The following LIPA variants were observed in gnomAD, a reference collection of about 807,000 sequenced individuals.
LIPA encodes lipase A, lysosomal acid type, also known as lysosomal acid lipase/cholesteryl ester hydrolase.
LIPA carries 26 observed loss-of-function variants against 40.6 expected under a neutral mutation model. That is an observed-to-expected ratio of 0.64 (90% CI 0.47 to 0.89). The LOEUF (loss-of-function observed/expected upper bound fraction) is 0.89, where lower values mean the gene tolerates loss of function less well. Among genes scored for constraint, LIPA ranks in the 40% least tolerant of loss-of-function variants. LIPA has a pLI of 0.00. For synonymous variants in LIPA, 188 were observed against 168.4 expected (o/e 1.12, Z -0.90); for missense variants, 455 against 479.6 (o/e 0.95, Z 0.48).
At chr10:89,267,044 A>C (rs1426219897) in intron 1 of LIPA, among the ~76,000 whole-genome samples, 1 of 152,226 alleles carries the variant, frequency 6.6e-6, no homozygotes, top group Admixed American at 6.5e-5. Flanking sequence ...GTTTATAACC[A>C]TCAAGTTTAC....
intron 2 of LIPA, among the ~76,000 whole-genome samples, chr10:89,247,303 C>A (rs550552872): frequency 6.7e-5 from 9 of 135,336 alleles, no homozygotes; most frequent in African/African-American, 2.5e-4. Flanking sequence ...GCCCCTGAGG[C>A]GGAGGTCGCA....
rs532534423 is a variant in LIPA at position 89,227,853 on chromosome 10, G to A, written c.428+347C>T. 1.1e-4 allele frequency among the ~76,000 whole-genome samples: 17 copies of A among 152,320 alleles called. No individual in the cohort carries two copies. The South Asian group carries it at 2.5e-3, about 22-fold the overall frequency. The stretch of plus-strand genomic sequence containing the variant: ...GAGCCAGAAGGAAGAGGGAGGAAAG[G>A]ATAATTTCTGGAAAGAAGAAAAGTG... On this transcript the variant is annotated intron_variant, in intron 4 of 9. Transcript: ENST00000336233.
chr10:89,229,135 A>G (rs930847723), intron 3 of LIPA, among the ~76,000 whole-genome samples: 10 of 152,238 alleles, frequency 6.6e-5, no homozygotes, highest in Non-Finnish European at 1.3e-4. Context: ...ATGCATAACT[A>G]AACTGTGCTA....
intron 1 of LIPA, among the ~76,000 whole-genome samples, chr10:89,327,572 C>CA (rs1291870290): frequency 6.6e-6 from 1 of 151,528 alleles, no homozygotes; most frequent in East Asian, 1.9e-4. Flanking sequence ...AAAACAAAAA[C>CA]AAAAAAAGAG....
chr10:89,331,113 T>C lies in LIPA; in HGVS notation c.-2+11498A>G, dbSNP rs995341770. 6.6e-5 allele frequency among the ~76,000 whole-genome samples: 10 copies of C among 152,250 alleles called. No individual in the cohort carries two copies. The South Asian group carries it at 8.3e-4, about 13-fold the overall frequency. ...TAGAGAAAAATGAGGACTGTTTACATAGGCAAAGACAGAGGTGTTCAACAG... is the reference window on the plus strand; with the variant it reads ...TAGAGAAAAATGAGGACTGTTTACACAGGCAAAGACAGAGGTGTTCAACAG... On this transcript the variant is annotated intron_variant, in intron 1 of 5. Transcript: ENST00000282673.
At chr10:89,303,898 T>A (rs565254809) in intron 1 of LIPA, among the ~76,000 whole-genome samples, 1 of 152,126 alleles carries the variant, frequency 6.6e-6, no homozygotes, top group Non-Finnish European at 1.5e-5. Flanking sequence ...GTGGTCATAT[T>A]CTGTAGGACT....
chr10:89,371,123 C>T (rs571482587), intron 2 of LIPA, among the ~76,000 whole-genome samples: 24 of 152,222 alleles, frequency 1.6e-4, no homozygotes, highest in Non-Finnish European at 1.9e-4. Flanking sequence ...CAGTAATCAG[C>T]CCAAGTAGGC....
At chr10:89,348,168 C>T (rs988143628) in intron 2 of LIPA, among the ~76,000 whole-genome samples, 1 of 152,296 alleles carries the variant, frequency 6.6e-6, no homozygotes, top group East Asian at 1.9e-4. Flanking sequence ...GAATTCAAAG[C>T]ATTAAGTAGG....
At chr10:89,246,497 G>A (rs1191209991) in intron 2 of LIPA, among the ~76,000 whole-genome samples, 1 of 152,082 alleles carries the variant, frequency 6.6e-6, no homozygotes, top group African/African-American at 2.4e-5. Context: ...GAAAAATTGG[G>A]AGGCAAAAGA....
intron 2 of LIPA, among the ~76,000 whole-genome samples, chr10:89,407,849 G>A (rs977598142): frequency 2.0e-5 from 3 of 151,928 alleles, no homozygotes; most frequent in African/African-American, 2.4e-5. Flanking sequence ...GTAGGTAAGG[G>A]CCACTAAATC....
At chr10:89,373,354 A>C (rs1014332827) in intron 2 of LIPA, among the ~76,000 whole-genome samples, 1 of 150,060 alleles carries the variant, frequency 6.7e-6, no homozygotes, top group Non-Finnish European at 1.5e-5. Context: ...AAAAAAAAAA[A>C]AAAACTGGAA....
At chr10:89,402,865 A>G (rs550504050) in intron 2 of LIPA, 1 of 1,614,216 alleles carries the variant, frequency 6.2e-7, no homozygotes, top group East Asian at 2.2e-5. Context: ...GCCACAAAAA[A>G]TCACAAGCCA....
intron 2 of LIPA, chr10:89,402,520 T>G: frequency 6.2e-7 from 1 of 1,614,218 alleles, no homozygotes; most frequent in Non-Finnish European, 8.5e-7. Context: ...GAAAACTTAA[T>G]GCAGGAAGAA....
At chr10:89,243,986 A>G (rs1306838859) in intron 3 of LIPA, among the ~76,000 whole-genome samples, 1 of 151,898 alleles carries the variant, frequency 6.6e-6, no homozygotes, top group African/African-American at 2.4e-5. Context: ...TCTTTGGGGG[A>G]AAAAAAAGGA....
At chr10:89,369,149 C>A (rs1589623990) in intron 2 of LIPA, among the ~76,000 whole-genome samples, 1 of 152,208 alleles carries the variant, frequency 6.6e-6, no homozygotes, top group South Asian at 2.1e-4. Flanking sequence ...CTTGTACACA[C>A]AACAGAAGCA....
intron 1 of LIPA, among the ~76,000 whole-genome samples, chr10:89,257,201 T>C (rs1272228940): frequency 6.6e-6 from 1 of 152,256 alleles, no homozygotes; most frequent in Admixed American, 6.5e-5. Flanking sequence ...TGGCAGTCTT[T>C]TGTGATAGTT....
intron 2 of LIPA, chr10:89,406,549 C>T (rs1844534957): frequency 6.5e-6 from 1 of 152,706 alleles, no homozygotes; most frequent in Non-Finnish European, 1.5e-5. Context: ...TACGGCTTCA[C>T]TCCTGAAGCC....
At chr10:89,302,246 A>T (rs1843449692) in intron 1 of LIPA, 1 of 1,035,816 alleles carries the variant, frequency 9.7e-7, no homozygotes, top group African/African-American at 1.6e-5. Flanking sequence ...TTATAGCCTT[A>T]CTATGCCTCT....
At chr10:89,284,780 C>T (rs1843333061) in intron 1 of LIPA, among the ~76,000 whole-genome samples, 1 of 152,152 alleles carries the variant, frequency 6.6e-6, no homozygotes, top group African/African-American at 2.4e-5. Flanking sequence ...CGTATAAATC[C>T]GGATGACCTG....
Sources: gnomAD v4.1 joint callset for allele counts (sites outside exome capture counted in the v4.1 genomes callset) on GRCh38, gnomAD v4.1.1 for gene constraint, MANE v1.5 for transcripts, NCBI Gene and HGNC (gene_info 2026-07-23, HGNC 2026-07-21) for gene names.